The following NCKAP5 variants were observed in gnomAD, a reference collection of about 807,000 sequenced individuals.
The protein encoded by NCKAP5 is NCK associated protein 5, also known as nck-associated protein 5.
NCKAP5 carries 92 observed loss-of-function variants against 167.0 expected under a neutral mutation model. The observed-to-expected ratio is 0.55, with a 90% confidence interval of 0.47 to 0.66. The LOEUF is 0.66. NCKAP5 is among the 30% of genes least tolerant of loss of function. The pLI is 0.00. For synonymous variants in NCKAP5, 891 were observed against 877.4 expected (o/e 1.02, Z -0.27); for missense variants, 2,378 against 2,315.0 (o/e 1.03, Z -0.56).
intron 6 of NCKAP5, among the ~76,000 whole-genome samples, chr2:133,038,112 G>C (rs540069406): frequency 1.2e-4 from 18 of 152,144 alleles, no homozygotes; most frequent in Non-Finnish European, 2.1e-4. Context: ...CAATCTTACT[G>C]GTTGGTATAC....
chr2:133,546,193 T>C lies in NCKAP5; in HGVS notation c.-62+12857A>G, dbSNP rs180923243. On this transcript the variant is annotated intron_variant, in intron 2 of 19. Coordinates refer to ENST00000409261, the MANE Select transcript of NCKAP5 (RefSeq NM_207363.3). The stretch of plus-strand genomic sequence containing the variant: ...GCTCAGATCTTCAGATACAGTGAAG[T>C]ACATCCAAGAGGAAGCCAAAGGTGA... 4.0e-4 allele frequency among the ~76,000 whole-genome samples: 61 copies of C among 151,152 alleles called. 1 individual carries two copies. The East Asian group carries it at 0.012, about 29-fold the overall frequency.
chr2:133,087,693 A>G (rs2081038966), intron 6 of NCKAP5, among the ~76,000 whole-genome samples: 1 of 152,224 alleles, frequency 6.6e-6, no homozygotes, highest in Admixed American at 6.5e-5. Flanking sequence ...CAACAAAAAT[A>G]CCATACAACT....
At chr2:133,065,801 C>T (rs554791311) in intron 6 of NCKAP5, among the ~76,000 whole-genome samples, 5 of 152,234 alleles carry the variant, frequency 3.3e-5, no homozygotes, top group African/African-American at 7.2e-5. Flanking sequence ...CTCCTCAAAG[C>T]GGTAGTAGAG....
intron 11 of NCKAP5, among the ~76,000 whole-genome samples, chr2:132,798,030 C>T (rs1026151809): frequency 3.3e-5 from 5 of 152,158 alleles, no homozygotes; most frequent in Non-Finnish European, 7.3e-5. Flanking sequence ...AGTGGACCTT[C>T]AAATTGTGTG....
intron 19 of NCKAP5, 147 bp downstream of exon 19, chr2:132,725,480 T>C: frequency 1.0e-6 from 1 of 956,296 alleles, no homozygotes. Flanking sequence ...GACAATCTTC[T>C]GTATGTACCA....
intron 6 of NCKAP5, among the ~76,000 whole-genome samples, chr2:133,012,128 C>T (rs192023771): frequency 1.3e-5 from 2 of 152,296 alleles, no homozygotes; most frequent in Admixed American, 1.3e-4. Context: ...TTTCTCCCTT[C>T]TCCCCACTAC....
At chr2:133,113,102 C>G (rs1251074211) in intron 6 of NCKAP5, among the ~76,000 whole-genome samples, 1 of 152,162 alleles carries the variant, frequency 6.6e-6, no homozygotes, top group Admixed American at 6.5e-5. Context: ...GCCACTCACA[C>G]TTACATTTAT....
intron 19 of NCKAP5, 113 bp from the exon 20 acceptor site, chr2:132,673,418 C>A: frequency 1.2e-6 from 1 of 826,382 alleles, no homozygotes; most frequent in Non-Finnish European, 1.7e-6. Context: ...ACAGAGAAAA[C>A]CTACAAGTCT....
chr2:132,692,694 G>A (rs559817918), intron 19 of NCKAP5, among the ~76,000 whole-genome samples: 17 of 152,204 alleles, frequency 1.1e-4, no homozygotes, highest in South Asian at 4.2e-4. Flanking sequence ...AAATAAAAAC[G>A]AAGATATAAA....
chr2:133,307,739 T>G (rs925807490), intron 3 of NCKAP5, among the ~76,000 whole-genome samples: 3 of 151,480 alleles, frequency 2.0e-5, no homozygotes, highest in African/African-American at 7.2e-5. Context: ...TAAAAACTTA[T>G]GTTTTTATGC....
At chr2:132,676,264 C>G (rs1463515979) in intron 19 of NCKAP5, among the ~76,000 whole-genome samples, 2 of 138,244 alleles carry the variant, frequency 1.4e-5, no homozygotes, top group Non-Finnish European at 3.1e-5. Context: ...AGTTTCTGAG[C>G]TAGGGATGTT....
intron 6 of NCKAP5, among the ~76,000 whole-genome samples, chr2:133,015,349 G>A (rs1285216507): frequency 3.3e-5 from 3 of 92,144 alleles, no homozygotes; most frequent in African/African-American, 1.2e-4. Flanking sequence ...CCAGATAAAA[G>A]AACCGAACTC....
At chr2:133,350,295 C>T (rs1221703173) in intron 3 of NCKAP5, among the ~76,000 whole-genome samples, 1 of 152,104 alleles carries the variant, frequency 6.6e-6, no homozygotes, top group African/African-American at 2.4e-5. Flanking sequence ...CAACTGTAAT[C>T]CTAGTTACTC....
chr2:133,528,608 C>A (rs1307780286), intron 2 of NCKAP5, among the ~76,000 whole-genome samples: 1 of 152,170 alleles, frequency 6.6e-6, no homozygotes, highest in Admixed American at 6.5e-5. Flanking sequence ...CATGTAATAG[C>A]GGAATTCCAA....
At chr2:133,472,621 A>G (rs1679445530) in intron 3 of NCKAP5, among the ~76,000 whole-genome samples, 1 of 152,220 alleles carries the variant, frequency 6.6e-6, no homozygotes, top group East Asian at 1.9e-4. Context: ...CTCCCCAAAC[A>G]TTCTGCAGGG....
intron 2 of NCKAP5, among the ~76,000 whole-genome samples, chr2:133,519,599 T>TC (rs939843360): frequency 8.1e-4 from 124 of 152,230 alleles, no homozygotes; most frequent in African/African-American, 2.9e-3. Flanking sequence ...AAACACACCC[T>TC]CCTAAGTCTT....
chr2:132,755,951 T>C (rs1680519007), intron 16 of NCKAP5, among the ~76,000 whole-genome samples: 1 of 151,882 alleles, frequency 6.6e-6, no homozygotes, highest in African/African-American at 2.4e-5. Flanking sequence ...AACACTCAGA[T>C]GCAAAAGCAC....
intron 3 of NCKAP5, among the ~76,000 whole-genome samples, chr2:133,352,488 G>A (rs186913336): frequency 1.3e-5 from 2 of 152,348 alleles, no homozygotes; most frequent in African/African-American, 4.8e-5. Flanking sequence ...GAGGCATAGA[G>A]AAGAGGTCTG....
intron 2 of NCKAP5, among the ~76,000 whole-genome samples, chr2:133,530,249 A>G (rs977049621): frequency 7.0e-6 from 1 of 141,996 alleles, no homozygotes; most frequent in Admixed American, 6.9e-5. Context: ...CTTTTCCTTG[A>G]CCCTCAAGTA....
Sources: allele counts gnomAD v4.1 joint callset (sites outside exome capture counted in the v4.1 genomes callset), GRCh38; gene constraint gnomAD v4.1.1; transcripts MANE v1.5; gene names NCBI Gene and HGNC (gene_info 2026-07-23, HGNC 2026-07-21).